SLC35F3: variants seen among roughly 807,000 people sequenced by gnomAD.
SLC35F3 encodes the protein solute carrier family 35 member F3, also known as putative thiamine transporter SLC35F3.
SLC35F3 carries 25 observed loss-of-function variants against 49.9 expected under a neutral mutation model. That is an observed-to-expected ratio of 0.50 (90% confidence interval 0.37 to 0.70). The LOEUF (loss-of-function observed/expected upper bound fraction) is 0.70, where lower values mean the gene tolerates loss of function less well. Ranked by LOEUF, SLC35F3 falls within the 30% of genes least tolerant of loss-of-function variation. The pLI is 0.00. For synonymous variants in SLC35F3, 275 were observed against 265.4 expected (o/e 1.04, Z -0.35); for missense variants, 525 against 639.8 (o/e 0.82, Z 1.94).
intron 2 of SLC35F3, among the ~76,000 whole-genome samples, chr1:233,906,249 G>A (rs1040503173): frequency 1.3e-5 from 2 of 152,108 alleles, no homozygotes; most frequent in African/African-American, 2.4e-5. Flanking sequence ...TTTGGATGCC[G>A]TTCACGCCCT....
intron 2 of SLC35F3, among the ~76,000 whole-genome samples, chr1:234,031,307 C>A (rs1429372830): frequency 6.6e-6 from 1 of 152,192 alleles, no homozygotes; most frequent in East Asian, 1.9e-4. Context: ...TAAGTTAGCC[C>A]TAGACCCTAT....
At chr1:234,025,797 T>G (rs1663968870) in intron 2 of SLC35F3, among the ~76,000 whole-genome samples, 1 of 152,234 alleles carries the variant, frequency 6.6e-6, no homozygotes, top group Non-Finnish European at 1.5e-5. Context: ...TCTTTTGCTG[T>G]GCTGAAGCTC....
chr1:234,101,392 A>C (rs1010804560), intron 2 of SLC35F3, among the ~76,000 whole-genome samples: 4 of 152,222 alleles, frequency 2.6e-5, no homozygotes, highest in African/African-American at 9.6e-5. Context: ...AACTGGAAGA[A>C]GGTGGAGATA....
intron 2 of SLC35F3, among the ~76,000 whole-genome samples, chr1:234,115,563 A>G (rs909204541): frequency 6.6e-6 from 1 of 152,188 alleles, no homozygotes; most frequent in Non-Finnish European, 1.5e-5. Context: ...TCTACTCACT[A>G]TCCCCACTTA....
In SLC35F3 at chr1:233,904,977, A is replaced by G. The variant is rs1451371343; in HGVS notation, c.-101A>G. 2.3e-6 allele frequency: 3 copies of G among 1,320,628 alleles called. No individual in the cohort carries two copies. Among genetic ancestry groups the G allele is most frequent in the African/African-American group, 1.5e-5 (1 of 65,498 alleles). The allele number at this position is 1,320,628 out of a possible 1,614,324, so 81.8% of individuals were successfully genotyped here. A position where few individuals can be genotyped will look rare whatever the true frequency, so the allele number is the denominator to read the frequency against. On this transcript the variant is annotated 5_prime_UTR_variant, in exon 1 of 8. Transcript: ENST00000366618. ...GGCGCGGCGCAGACCCTCGGTGGGC[A>G]GCGCACTCCAGTCTTCCCAGGCTAG... is the stretch of plus-strand genomic sequence containing the variant.
intron 3 of SLC35F3, among the ~76,000 whole-genome samples, chr1:234,308,553 G>C (rs1364156397): frequency 2.0e-5 from 3 of 151,914 alleles, no homozygotes; most frequent in Non-Finnish European, 4.4e-5. Flanking sequence ...ACCCAGAAAA[G>C]CCAAAAGATT....
chr1:234,217,721 G>A (rs114625317), intron 2 of SLC35F3, among the ~76,000 whole-genome samples: 54 of 152,260 alleles, frequency 3.5e-4, no homozygotes, highest in African/African-American at 1.1e-3. Flanking sequence ...AGGCCTTGCC[G>A]GGGAAGCCTC....
At chr1:234,121,223 A>C (rs1245184949) in intron 2 of SLC35F3, among the ~76,000 whole-genome samples, 1 of 135,180 alleles carries the variant, frequency 7.4e-6, no homozygotes, top group African/African-American at 2.8e-5. Context: ...TGCAAGCTCC[A>C]CCTCCCGGGT....
intron 2 of SLC35F3, among the ~76,000 whole-genome samples, chr1:234,136,259 T>TTTCTTTCTC (rs1204640459): frequency 1.1e-4 from 12 of 112,334 alleles, no homozygotes; most frequent in East Asian, 2.1e-3. Flanking sequence ...TTTCTTTTTC[T>TTTCTTTCTC]GTCTTTCTTT....
At chr1:234,023,460 A>G (rs1663930374) in intron 2 of SLC35F3, among the ~76,000 whole-genome samples, 2 of 152,246 alleles carry the variant, frequency 1.3e-5, no homozygotes, top group African/African-American at 4.8e-5. Context: ...TGTATGAAAT[A>G]AATATGCATG....
intron 2 of SLC35F3, among the ~76,000 whole-genome samples, chr1:234,195,210 C>T (rs1666789239): frequency 6.6e-6 from 1 of 152,214 alleles, no homozygotes; most frequent in Non-Finnish European, 1.5e-5. Context: ...GCTGTGCCTA[C>T]CTAGGAGCAA....
At chr1:234,113,490 A>G (rs887382149) in intron 2 of SLC35F3, among the ~76,000 whole-genome samples, 1 of 152,362 alleles carries the variant, frequency 6.6e-6, no homozygotes, top group Non-Finnish European at 1.5e-5. Flanking sequence ...GATTTAAGAT[A>G]TTAAATTGTT....
At chr1:234,129,244 C>T (rs1665697375) in intron 2 of SLC35F3, among the ~76,000 whole-genome samples, 1 of 152,168 alleles carries the variant, frequency 6.6e-6, no homozygotes, top group African/African-American at 2.4e-5. Context: ...GGTGCTCGAC[C>T]TCATTGATCA....
chr1:234,045,149 C>T (rs1469093743), intron 2 of SLC35F3, among the ~76,000 whole-genome samples: 4 of 152,112 alleles, frequency 2.6e-5, no homozygotes. Flanking sequence ...GTGCTGGTTG[C>T]CTGCCTTCTA....
chr1:234,185,446 G>A (rs1250884308), intron 2 of SLC35F3, among the ~76,000 whole-genome samples: 5 of 152,212 alleles, frequency 3.3e-5, no homozygotes, highest in African/African-American at 9.7e-5. Context: ...ATTTCATTTT[G>A]TAATTTTAAG....
At chr1:234,090,184 T>C (rs1665020953) in intron 2 of SLC35F3, among the ~76,000 whole-genome samples, 1 of 152,270 alleles carries the variant, frequency 6.6e-6, no homozygotes, top group Non-Finnish European at 1.5e-5. Context: ...TGTCGTTCAC[T>C]CATTGAATCA....
chr1:234,179,572 T>C (rs971856133), intron 2 of SLC35F3, among the ~76,000 whole-genome samples: 2 of 152,250 alleles, frequency 1.3e-5, no homozygotes, highest in African/African-American at 4.8e-5. Context: ...GAACATTCAC[T>C]ATCCTCCTCC....
At position 234,205,386 on chromosome 1, in the gene SLC35F3, G is replaced by C. The variant is rs759834988; in HGVS notation, c.284-26031G>C. 2.0e-5 allele frequency among the ~76,000 whole-genome samples: 3 copies of C among 152,196 alleles called. No homozygotes were observed. In the East Asian group the frequency reaches 5.8e-4, roughly 29 times the overall value. ...ACAGTGCTCAAAATTGCTTGAACCC[G>C]AGAGGCAGAGGTCGCAGTGAGCTGA... On this transcript the variant is annotated intron_variant, in intron 2 of 7. Coordinates refer to ENST00000366618, the MANE Select transcript of SLC35F3 (RefSeq NM_173508.4).
At chr1:234,007,038 C>G (rs1353874284) in intron 2 of SLC35F3, among the ~76,000 whole-genome samples, 1 of 152,080 alleles carries the variant, frequency 6.6e-6, no homozygotes, top group African/African-American at 2.4e-5. Flanking sequence ...TCCGAAACAG[C>G]CATTGATAAC....
Sources: allele counts gnomAD v4.1 joint callset (sites outside exome capture counted in the v4.1 genomes callset), GRCh38; gene constraint gnomAD v4.1.1; transcripts MANE v1.5; gene names NCBI Gene and HGNC (gene_info 2026-07-23, HGNC 2026-07-21).